EXOC5: variants seen among roughly 807,000 people sequenced by gnomAD.
EXOC5 encodes exocyst complex component 5.
A neutral mutation model predicts 90.8 loss-of-function variants in EXOC5; 17 were observed. That is an observed-to-expected ratio of 0.19 (90% CI 0.13 to 0.28). EXOC5 has a LOEUF of 0.28. EXOC5 is among the 10% of genes least tolerant of loss of function. The pLI, the probability that EXOC5 is intolerant of heterozygous loss-of-function variation, is 1.00. For synonymous variants in EXOC5, 260 were observed against 270.0 expected (o/e 0.96, Z 0.36); for missense variants, 569 against 830.6 (o/e 0.69, Z 3.87).
In EXOC5 at chr14:57,204,538, A is replaced by AT. The variant is rs1882592249; in HGVS notation, c.*4070_*4071insA. ...CAATTGGCAAGCCTATGACATTTAA[A>AT]ATAGTTTTTGAACATAAAAACACTG... On this transcript the variant is annotated 3_prime_UTR_variant, in exon 18 of 18. Transcript: ENST00000621441. 6.6e-6 allele frequency: 1 copy of AT among 152,510 alleles called. No homozygotes were observed. Among genetic ancestry groups the AT allele is most frequent in the Non-Finnish European group, 1.5e-5 (1 of 67,978 alleles). The allele number at this position is 152,510 out of a possible 1,614,324, so 9.4% of individuals were successfully genotyped here.
intron 1 of EXOC5, among the ~76,000 whole-genome samples, chr14:57,259,165 AG>A (rs2139667936): frequency 6.6e-6 from 1 of 151,572 alleles, no homozygotes; most frequent in Admixed American, 6.6e-5. Flanking sequence ...TCTGCAATGC[AG>A]TGGTACAATC....
chr14:57,238,333 A>C, intron 5 of EXOC5, among the ~76,000 whole-genome samples: 1 of 137,374 alleles, frequency 7.3e-6, no homozygotes, highest in African/African-American at 2.7e-5. Flanking sequence ...GGAGTTGAAT[A>C]TATATCCTAA....
In EXOC5 at chr14:57,268,644, G is replaced by A. The variant is rs1279537089; in HGVS notation, c.5C>T (p.Ala2Val). 1.3e-6 allele frequency: 2 copies of A among 1,589,312 alleles called. No individual in the cohort carries two copies. The highest frequency in any genetic ancestry group is 1.7e-6 in the Non-Finnish European group (2 of 1,174,482). The change falls in exon 1 of 18, where the codon GCT becomes GTT. Residue 2 changes from alanine to valine, a missense_variant. Physicochemically the swap from Ala to Val is moderately conservative, Grantham distance 64. This residue lies in a region of EXOC5 where 22 missense variants were observed against 16.6 expected (regional missense o/e 1.33). Coordinates refer to ENST00000621441, the MANE Select transcript of EXOC5 (RefSeq NM_006544.4). Reference sequence around the variant, plus strand: ...CACCTCGAAGAGCTCGGCCGTGGTAGCCATCCCGGCCGGCTGAGAGGCTCG... The same window carrying A: ...CACCTCGAAGAGCTCGGCCGTGGTAACCATCCCGGCCGGCTGAGAGGCTCG... The part of the protein sequence containing the change: M[A>V]TTAELFEEPF...
chr14:57,229,160 C>T lies in EXOC5; in HGVS notation c.1296+574G>A, dbSNP rs527616830. Among the ~76,000 whole-genome samples the T allele has an allele frequency of 2.6e-5, 4 of 152,214 alleles. No individual in the cohort carries two copies. In the South Asian group the frequency reaches 8.3e-4, roughly 32 times the overall value. On this transcript the variant is annotated intron_variant, in intron 12 of 17. Transcript: ENST00000621441. Reference sequence around the variant, plus strand: ...CACATCTTCATTTAATCCTACATAACAAAAATTTGATCTGCTCAACTTTAA... The same window carrying T: ...CACATCTTCATTTAATCCTACATAATAAAAATTTGATCTGCTCAACTTTAA...
chr14:57,214,782 G>A (rs1882924990), intron 15 of EXOC5, among the ~76,000 whole-genome samples: 1 of 152,096 alleles, frequency 6.6e-6, no homozygotes, highest in Non-Finnish European at 1.5e-5. Flanking sequence ...TTCAAAAGAT[G>A]GACCAAGTGA....
At chr14:57,267,146 A>G (rs1884693856) in intron 1 of EXOC5, among the ~76,000 whole-genome samples, 1 of 152,236 alleles carries the variant, frequency 6.6e-6, no homozygotes, top group African/African-American at 2.4e-5. Context: ...GGGACACAGT[A>G]AAAGTTCCTA....
rs574119297 is a variant in EXOC5 at position 57,259,212 on chromosome 14, T to C, written c.27+9410A>G. Among the ~76,000 whole-genome samples the C allele has an allele frequency of 4.1e-4, 62 of 152,164 alleles. No individual in the cohort carries two copies. The Middle Eastern group carries it at 0.01, about 25-fold the overall frequency. ...CTCCTGGGTTCAAGCAAGTCTCATG[T>C]CTCAGCCTCCTGAGTAGCTGGTATT... On this transcript the variant is annotated intron_variant, in intron 1 of 17. Coordinates refer to ENST00000621441, the MANE Select transcript of EXOC5 (RefSeq NM_006544.4).
At chr14:57,253,098 G>GT (rs1455678319) in intron 1 of EXOC5, among the ~76,000 whole-genome samples, 2 of 152,108 alleles carry the variant, frequency 1.3e-5, no homozygotes, top group Non-Finnish European at 2.9e-5. Context: ...TCTCATAGAA[G>GT]TAAGAGTAGA....
At chr14:57,266,482 G>A (rs571915792) in intron 1 of EXOC5, among the ~76,000 whole-genome samples, 2 of 152,182 alleles carry the variant, frequency 1.3e-5, no homozygotes, top group South Asian at 2.1e-4. Context: ...AAACTTAATT[G>A]TAACTATTAT....
chr14:57,216,542 G>A (rs1857233682), intron 15 of EXOC5, among the ~76,000 whole-genome samples: 1 of 152,000 alleles, frequency 6.6e-6, no homozygotes, highest in Non-Finnish European at 1.5e-5. Context: ...AATAGGGAAA[G>A]GATAGTCTCC....
chr14:57,265,908 A>G (rs1566509553), intron 1 of EXOC5, among the ~76,000 whole-genome samples: 1 of 152,224 alleles, frequency 6.6e-6, no homozygotes, highest in Non-Finnish European at 1.5e-5. Context: ...ATTCTGAGAA[A>G]CTTCCAGGAT....
chr14:57,238,969 G>A (rs1312682924), intron 5 of EXOC5, among the ~76,000 whole-genome samples: 1 of 151,916 alleles, frequency 6.6e-6, no homozygotes, highest in Non-Finnish European at 1.5e-5. Context: ...AAGAAATCAT[G>A]AAAAAATTTC....
intron 1 of EXOC5, among the ~76,000 whole-genome samples, chr14:57,265,348 T>G (rs562162129): frequency 6.6e-6 from 1 of 152,032 alleles, no homozygotes; most frequent in Non-Finnish European, 1.5e-5. Flanking sequence ...TCTTGAAGAA[T>G]TATGGGGGAA....
chr14:57,254,272 T>C (rs564903065), intron 1 of EXOC5, among the ~76,000 whole-genome samples: 1 of 152,068 alleles, frequency 6.6e-6, no homozygotes, highest in East Asian at 1.9e-4. Flanking sequence ...CTGTCTCTAC[T>C]AAAAACACAA....
intron 12 of EXOC5, among the ~76,000 whole-genome samples, chr14:57,227,551 C>T (rs920769109): frequency 6.6e-6 from 1 of 152,100 alleles, no homozygotes; most frequent in Non-Finnish European, 1.5e-5. Flanking sequence ...CTCAAAATAA[C>T]GGTACCAATT....
At chr14:57,245,605 T>G (rs1884010534) in intron 3 of EXOC5, among the ~76,000 whole-genome samples, 1 of 152,186 alleles carries the variant, frequency 6.6e-6, no homozygotes, top group South Asian at 2.1e-4. Context: ...TTATCTTAAA[T>G]TACTGACTTC....
Position 57,206,166 on chromosome 14 carries a change from G to T in EXOC5, c.*2443C>A. On this transcript the variant is annotated 3_prime_UTR_variant, in exon 18 of 18. Transcript: ENST00000621441. ...AGCTCATGCGGTATTGTGTAATACT[G>T]CAAAGACCGTACTTACGTAAATGTT... is the stretch of plus-strand genomic sequence containing the variant. The T allele has an allele frequency of 3.1e-6, 1 of 325,960 alleles. No individual in the cohort carries two copies. Among genetic ancestry groups the T allele is most frequent in the East Asian group, 8.1e-5 (1 of 12,410 alleles). 20.2% of individuals were successfully genotyped at this position (325,960 alleles called of 1,614,324 possible).
chr14:57,254,667 G>C (rs1440835632), intron 1 of EXOC5, among the ~76,000 whole-genome samples: 1 of 152,106 alleles, frequency 6.6e-6, no homozygotes, highest in Non-Finnish European at 1.5e-5. Context: ...CCAATGTGAT[G>C]GTATTTGGAG....
chr14:57,237,150 G>T (rs1156380978), intron 6 of EXOC5, among the ~76,000 whole-genome samples, 188 bp downstream of exon 6: 1 of 151,886 alleles, frequency 6.6e-6, no homozygotes, highest in Non-Finnish European at 1.5e-5. Flanking sequence ...TATTCTGCAA[G>T]AATATCCAAA....
Sources: gnomAD v4.1 joint callset for allele counts (sites outside exome capture counted in the v4.1 genomes callset) on GRCh38, gnomAD v4.1.1 for gene constraint, gnomAD v4.1.1 regional missense constraint, MANE v1.5 for transcripts, NCBI Gene and HGNC (gene_info 2026-07-23, HGNC 2026-07-21) for gene names.